Variants in CCDC171 observed in about 807,000 individuals in gnomAD.
CCDC171 encodes coiled-coil domain-containing protein 171.
A neutral mutation model predicts 168.2 loss-of-function variants in CCDC171; 177 were observed. The observed-to-expected ratio is 1.05, with a 90% CI of 0.93 to 1.19. The LOEUF is 1.19. Ranked by LOEUF, CCDC171 falls within the 50% of genes most tolerant of loss-of-function variation. The pLI is 0.00. For synonymous variants in CCDC171, 687 were observed against 540.8 expected, an observed-to-expected ratio of 1.27 and a Z score of -3.75; for missense variants, 1,991 against 1,539.0, an observed-to-expected ratio of 1.29 and a Z score of -4.91.
intron 1 of CCDC171, among the ~76,000 whole-genome samples, chr9:15,562,682 G>C (rs2039406673): frequency 6.6e-6 from 1 of 152,144 alleles, no homozygotes; most frequent in Non-Finnish European, 1.5e-5. Flanking sequence ...GTTTATGCCT[G>C]TTGTGCTACC....
At chr9:15,619,241 G>A (rs1317129051) in intron 6 of CCDC171, among the ~76,000 whole-genome samples, 2 of 152,122 alleles carry the variant, frequency 1.3e-5, no homozygotes, top group Non-Finnish European at 2.9e-5. Flanking sequence ...TCAAAAGCTA[G>A]AAATGATTAA....
chr9:16,084,592 G>C, the CCDC171 span, among the ~76,000 whole-genome samples: 2 of 152,118 alleles, frequency 1.3e-5, no homozygotes, highest in Non-Finnish European at 2.9e-5. Flanking sequence ...TTTGAACCCA[G>C]ACTACCCGCT....
In CCDC171 at chr9:15,726,332, G is replaced by A. The variant is rs1328098265; in HGVS notation, c.1692+1356G>A. ...TTCATGCCAAATGGATGATTATCAT[G>A]CTTGGTTTATCACAGCCCAAGCAAA... On this transcript the variant is annotated intron_variant, in intron 14 of 25. Coordinates refer to ENST00000380701, the MANE Select transcript of CCDC171 (RefSeq NM_173550.4). Among the ~76,000 whole-genome samples the A allele has an allele frequency of 5.9e-5, 9 of 152,242 alleles. No homozygotes were observed. In the East Asian group the frequency reaches 1.5e-3, roughly 26 times the overall value.
At chr9:15,681,106 G>A (rs1332640169) in intron 10 of CCDC171, among the ~76,000 whole-genome samples, 1 of 152,006 alleles carries the variant, frequency 6.6e-6, no homozygotes, top group Non-Finnish European at 1.5e-5. Flanking sequence ...AATGCAAGTG[G>A]CAGCTCACCA....
chr9:15,882,782 A>C (rs113647799), intron 24 of CCDC171, among the ~76,000 whole-genome samples: 1 of 151,408 alleles, frequency 6.6e-6, no homozygotes, highest in African/African-American at 2.4e-5. Context: ...GTATTATCCC[A>C]TAAGTCTTTT....
intron 24 of CCDC171, among the ~76,000 whole-genome samples, chr9:15,880,665 G>A (rs187684835): frequency 1.4e-5 from 2 of 138,630 alleles, no homozygotes; most frequent in African/African-American, 5.4e-5. Context: ...TAGCAGAGAC[G>A]AGGTTTCACC....
chr9:15,857,934 G>GATATATATATAT (rs569030319), intron 23 of CCDC171, among the ~76,000 whole-genome samples: 1 of 151,064 alleles, frequency 6.6e-6, no homozygotes, highest in African/African-American at 2.4e-5. Flanking sequence ...CTATAGTTTT[G>GATATATATATAT]ATATATATAT....
At chr9:15,628,574 C>T (rs578240127) in intron 7 of CCDC171, among the ~76,000 whole-genome samples, 9 of 152,348 alleles carry the variant, frequency 5.9e-5, no homozygotes. Flanking sequence ...GCCTGCCTGC[C>T]TCTGTAGGCT....
chr9:15,925,112 T>C (rs1825750916), intron 25 of CCDC171, among the ~76,000 whole-genome samples: 1 of 151,656 alleles, frequency 6.6e-6, no homozygotes, highest in South Asian at 2.1e-4. Flanking sequence ...ACTTAAAATC[T>C]AGAAGTGGAA....
intron 19 of CCDC171, among the ~76,000 whole-genome samples, chr9:15,778,141 C>A (rs1421479069): frequency 6.7e-6 from 1 of 148,684 alleles, no homozygotes; most frequent in African/African-American, 2.5e-5. Context: ...ACTAAAAATA[C>A]AAAAAATTAG....
At chr9:15,643,075 T>A (rs1013434438) in intron 7 of CCDC171, among the ~76,000 whole-genome samples, 3 of 152,020 alleles carry the variant, frequency 2.0e-5, no homozygotes, top group South Asian at 2.1e-4. Context: ...TTTAAAAAAA[T>A]TTATTTCCAT....
At chr9:16,081,751 A>G in the CCDC171 span, among the ~76,000 whole-genome samples, 25 of 152,132 alleles carry the variant, frequency 1.6e-4, no homozygotes, top group African/African-American at 5.8e-4. Context: ...CTTGCCAGGT[A>G]TAGTAGAGCT....
At chr9:15,812,669 C>T (rs1048535807) in intron 21 of CCDC171, among the ~76,000 whole-genome samples, 45 of 152,150 alleles carry the variant, frequency 3.0e-4, no homozygotes, top group African/African-American at 1.1e-3. Flanking sequence ...CAGTAGAGAA[C>T]AGGTTCTTCC....
At position 15,916,867 on chromosome 9, in the gene CCDC171, C is replaced by G. The variant is rs117114259; in HGVS notation, c.3601-3403C>G. 4.1e-3 allele frequency among the ~76,000 whole-genome samples: 621 copies of G among 152,020 alleles called. 1 individual carries two copies. The highest frequency in any genetic ancestry group is 6.1e-3 in the Non-Finnish European group (414 of 67,850). On this transcript the variant is annotated intron_variant, in intron 24 of 25. Transcript: ENST00000380701. ...GAAACTGTCTTTTGTTCTTCATATA[C>G]TAACCGAGTCTCACTGAGATACAGA...
At chr9:15,950,401 C>T (rs1828995093) in intron 25 of CCDC171, among the ~76,000 whole-genome samples, 1 of 152,106 alleles carries the variant, frequency 6.6e-6, no homozygotes, top group Non-Finnish European at 1.5e-5. Flanking sequence ...ACAAGAGAAG[C>T]CCATCAGACT....
At chr9:15,979,031 T>C (rs1831709243), downstream of CCDC171, among the ~76,000 whole-genome samples, 1 of 152,200 alleles carries the variant, frequency 6.6e-6, no homozygotes, top group Non-Finnish European at 1.5e-5. Flanking sequence ...AGACTTAACA[T>C]TTTCCAGGTT....
chr9:15,561,884 A>G (rs1469067003), intron 1 of CCDC171, among the ~76,000 whole-genome samples: 2 of 151,312 alleles, frequency 1.3e-5, no homozygotes, highest in African/African-American at 4.9e-5. Context: ...GTGGAAACCC[A>G]TTTTCCTTCT....
chr9:15,730,857 A>G (rs2054107213), intron 16 of CCDC171, among the ~76,000 whole-genome samples: 1 of 152,014 alleles, frequency 6.6e-6, no homozygotes, highest in Non-Finnish European at 1.5e-5. Context: ...GAGCTAAACA[A>G]TTTTAATTTT....
At chr9:15,652,167 A>G (rs1164714092) in intron 7 of CCDC171, among the ~76,000 whole-genome samples, 1 of 152,140 alleles carries the variant, frequency 6.6e-6, no homozygotes, top group African/African-American at 2.4e-5. Flanking sequence ...TATGGTTTTT[A>G]GCTCATATAT....
Sources: gnomAD v4.1 joint callset for allele counts (sites outside exome capture counted in the v4.1 genomes callset) on GRCh38, gnomAD v4.1.1 for gene constraint, MANE v1.5 for transcripts, NCBI Gene and HGNC (gene_info 2026-07-23, HGNC 2026-07-21) for gene names.